GRIK4: variants seen among roughly 807,000 people sequenced by gnomAD.
GRIK4 encodes the protein glutamate receptor ionotropic, kainate 4.
Under a neutral mutation model 104.9 loss-of-function variants are expected in GRIK4, and 40 were observed. The observed-to-expected ratio is 0.38, with a 90% CI of 0.30 to 0.50. The LOEUF (loss-of-function observed/expected upper bound fraction) is 0.50, where lower values mean the gene tolerates loss of function less well. GRIK4 is among the 20% of genes least tolerant of loss of function. The pLI, the probability that GRIK4 is intolerant of heterozygous loss-of-function variation, is 0.93. For missense variants in GRIK4, 1,047 were observed against 1,308.1 expected (o/e 0.80, Z 3.08); for synonymous variants, 485 against 524.9 (o/e 0.92, Z 1.04).
At chr11:120,887,685 G>A (rs1212019531) in intron 11 of GRIK4, among the ~76,000 whole-genome samples, 1 of 152,232 alleles carries the variant, frequency 6.6e-6, no homozygotes, top group East Asian at 1.9e-4. Flanking sequence ...CCAATTTCAT[G>A]CTAGGTATTG....
At chr11:120,620,958 C>T (rs60432522) in intron 1 of GRIK4, among the ~76,000 whole-genome samples, 2,914 of 152,228 alleles carry the variant, frequency 0.019, 86 homozygotes, top group African/African-American at 0.067. Flanking sequence ...CACTTGCCCA[C>T]GATCATGCAG....
chr11:120,889,675 G>C (rs2134448086), intron 11 of GRIK4, among the ~76,000 whole-genome samples: 1 of 125,392 alleles, frequency 8.0e-6, no homozygotes, highest in East Asian at 2.6e-4. Context: ...TATGATCTCA[G>C]CTCACTGCAA....
chr11:120,676,442 T>G (rs773160453), intron 3 of GRIK4, among the ~76,000 whole-genome samples: 2 of 152,230 alleles, frequency 1.3e-5, no homozygotes, highest in Non-Finnish European at 2.9e-5. Context: ...CTCATAGTTC[T>G]GCAGGCTGGG....
At chr11:120,535,720 C>T (rs1185579190) in intron 1 of GRIK4, among the ~76,000 whole-genome samples, 2 of 152,212 alleles carry the variant, frequency 1.3e-5, no homozygotes, top group Non-Finnish European at 1.5e-5. Flanking sequence ...AGTGGGCTAG[C>T]ACATTAGTAT....
At chr11:120,565,668 G>T (rs1455831165) in intron 1 of GRIK4, among the ~76,000 whole-genome samples, 1 of 152,212 alleles carries the variant, frequency 6.6e-6, no homozygotes, top group African/African-American at 2.4e-5. Flanking sequence ...GCGCCCGGCA[G>T]CGCTCACGGT....
chr11:120,855,275 T>C (rs1313906482), intron 8 of GRIK4, among the ~76,000 whole-genome samples: 3 of 152,194 alleles, frequency 2.0e-5, no homozygotes, highest in Non-Finnish European at 2.9e-5. Context: ...TTATACTGCA[T>C]TGACTTCTAA....
chr11:120,664,246 C>T (rs1300332166), intron 3 of GRIK4, among the ~76,000 whole-genome samples: 3 of 152,158 alleles, frequency 2.0e-5, no homozygotes, highest in African/African-American at 7.2e-5. Flanking sequence ...AGAAAATGTC[C>T]ATCTGTCTGT....
At chr11:120,547,647 A>G (rs993171212) in intron 1 of GRIK4, among the ~76,000 whole-genome samples, 1 of 151,832 alleles carries the variant, frequency 6.6e-6, no homozygotes, top group East Asian at 1.9e-4. Flanking sequence ...GAAACGTCTG[A>G]CATGGGAAAT....
chr11:120,861,898 T>G, intron 8 of GRIK4, 61 bp from the exon 9 acceptor site: 1 of 1,288,884 alleles, frequency 7.8e-7, no homozygotes, highest in South Asian at 1.3e-5. Context: ...TTTACCAAAG[T>G]CCATCCCTCA....
chr11:120,825,047 C>T (rs948780933), intron 6 of GRIK4, among the ~76,000 whole-genome samples: 2 of 151,922 alleles, frequency 1.3e-5, no homozygotes, highest in Non-Finnish European at 2.9e-5. Flanking sequence ...GCCTCACCCT[C>T]CCGAGTAGCT....
intron 19 of GRIK4, among the ~76,000 whole-genome samples, chr11:120,973,793 G>A (rs921101442): frequency 1.3e-5 from 2 of 152,218 alleles, no homozygotes; most frequent in African/African-American, 2.4e-5. Context: ...AACGGGAGGT[G>A]CCATTGCTTG....
rs1399306505 is a variant in GRIK4, at chr11:120,513,691, C to T, written c.-159+1804C>T. Reference sequence around the variant, plus strand: ...CCCGGGCTTGCCCACCAGCCTCCCGCCTGCCTCACCAGCTCCACCCCTCTG... The same window carrying T: ...CCCGGGCTTGCCCACCAGCCTCCCGTCTGCCTCACCAGCTCCACCCCTCTG... On this transcript the variant is annotated intron_variant, in intron 1 of 20. Coordinates refer to ENST00000527524, the MANE Select transcript of GRIK4 (RefSeq NM_014619.5). This position sits in a 1 kb window ranked among gnomAD's most constrained non-coding sequence, Gnocchi z 4.5. Among the ~76,000 whole-genome samples the T allele has an allele frequency of 3.9e-5, 6 of 152,212 alleles. No individual in the cohort carries two copies. In the East Asian group the frequency reaches 9.6e-4, roughly 24 times the overall value.
chr11:120,788,120 CGGCCTCCCAAAGTGCT>C (rs1438276445), intron 3 of GRIK4, among the ~76,000 whole-genome samples: 1 of 148,428 alleles, frequency 6.7e-6, no homozygotes, highest in Non-Finnish European at 1.5e-5. Context: ...CTGCCCACCT[CGGCCTCCCAAAGTGCT>C]GGGATTACAG....
At chr11:120,927,713 C>G (rs1357064957) in intron 13 of GRIK4, among the ~76,000 whole-genome samples, 1 of 152,088 alleles carries the variant, frequency 6.6e-6, no homozygotes, top group African/African-American at 2.4e-5. Context: ...ACACCTGTGA[C>G]TTTGTCACCA....
In GRIK4 at chr11:120,581,204, G is replaced by A. The variant is rs976424296; in HGVS notation, c.-159+69317G>A. Among the ~76,000 whole-genome samples the A allele has an allele frequency of 8.5e-5, 13 of 152,076 alleles. No homozygotes were observed. In the South Asian group the frequency reaches 2.5e-3, roughly 29 times the overall value. On this transcript the variant is annotated intron_variant, in intron 1 of 20. Transcript: ENST00000527524. ...TGCAAATAATTTCTCCCAGTCTATG[G>A]CTTGTCTTTTCATTTTCTCTCTCTC...
intron 3 of GRIK4, among the ~76,000 whole-genome samples, chr11:120,788,889 T>G (rs1952341834): frequency 6.6e-6 from 1 of 152,126 alleles, no homozygotes; most frequent in African/African-American, 2.4e-5. Flanking sequence ...ATCTAAATGC[T>G]GCCTAACCTC....
intron 1 of GRIK4, among the ~76,000 whole-genome samples, chr11:120,607,878 G>A (rs1365660281): frequency 6.6e-6 from 1 of 152,190 alleles, no homozygotes; most frequent in Non-Finnish European, 1.5e-5. Context: ...AGCAACTGGA[G>A]AAGGTGGAGG....
chr11:120,734,815 A>G (rs2846121), intron 3 of GRIK4, among the ~76,000 whole-genome samples: 113,730 of 152,006 alleles, frequency 0.75, 42,910 homozygotes, highest in Middle Eastern at 0.85. Flanking sequence ...CTGTTAAGAG[A>G]CTCTGATGCA....
At chr11:120,686,620 A>G (rs1213509520) in intron 3 of GRIK4, among the ~76,000 whole-genome samples, 1 of 152,260 alleles carries the variant, frequency 6.6e-6, no homozygotes, top group Non-Finnish European at 1.5e-5. Flanking sequence ...TCCATTAAAT[A>G]TGCTAACAGA....
Sources: allele counts gnomAD v4.1 joint callset (sites outside exome capture counted in the v4.1 genomes callset), GRCh38; gene constraint gnomAD v4.1.1; non-coding constraint Gnocchi (gnomAD v3.1); transcripts MANE v1.5; gene names NCBI Gene and HGNC (gene_info 2026-07-23, HGNC 2026-07-21).